PREP: variants seen among roughly 807,000 people sequenced by gnomAD.
The protein encoded by PREP is prolyl endopeptidase.
A neutral mutation model predicts 87.6 loss-of-function variants in PREP; 29 were observed. That is an observed-to-expected ratio of 0.33 (90% CI 0.25 to 0.45). The LOEUF (loss-of-function observed/expected upper bound fraction) is 0.45. Among genes scored for constraint, PREP ranks in the 20% least tolerant of loss-of-function variants. The pLI is 1.00. For synonymous variants in PREP, 337 were observed against 328.6 expected, an observed-to-expected ratio of 1.03 and a Z score of -0.28; for missense variants, 695 against 886.5, an observed-to-expected ratio of 0.78 and a Z score of 2.74.
At chr6:105,326,672 C>T (rs1583057125) in intron 9 of PREP, among the ~76,000 whole-genome samples, 1 of 152,316 alleles carries the variant, frequency 6.6e-6, no homozygotes, top group East Asian at 1.9e-4. Context: ...ACTGACAATC[C>T]ATGCTTTCAT....
At chr6:105,398,226 T>C (rs1773336933) in intron 1 of PREP, among the ~76,000 whole-genome samples, 1 of 152,092 alleles carries the variant, frequency 6.6e-6, no homozygotes, top group Admixed American at 6.5e-5. Flanking sequence ...TAAAGAAACT[T>C]GAAAACGTGC....
chr6:105,374,692 A>C (rs1432952845), intron 4 of PREP, among the ~76,000 whole-genome samples: 5 of 109,750 alleles, frequency 4.6e-5, no homozygotes, highest in East Asian at 2.5e-4. Flanking sequence ...ATATATATAT[A>C]TCAGAAAATT....
At chr6:105,281,951 T>A in intron 13 of PREP, 49 bp from the exon 14 acceptor site, 1 of 1,598,042 alleles carries the variant, frequency 6.3e-7, no homozygotes, top group East Asian at 2.2e-5. Context: ...TCATTAAACA[T>A]CTACATAAAC....
At position 105,323,802 on chromosome 6, in the gene PREP, G is replaced by A. The variant is rs776853397; in HGVS notation, c.1214-34C>T. The A allele has an allele frequency of 7.2e-6, 11 of 1,529,938 alleles. 1 individual carries two copies. Among genetic ancestry groups the A allele is most frequent in the African/African-American group, 4.1e-5 (3 of 73,102 alleles). The allele number at this position is 1,529,938 out of a possible 1,614,324, so 94.8% of individuals were successfully genotyped here. On this transcript the variant is annotated intron_variant, in intron 9 of 14. Coordinates refer to ENST00000652536, the MANE Select transcript of PREP (RefSeq NM_002726.5). ...TAGAATAAGGCTTGGTTTAGTCTAC[G>A]GGACTCACTAGATTCAAAGGGGGCA... is the stretch of plus-strand genomic sequence containing the variant.
intron 12 of PREP, among the ~76,000 whole-genome samples, chr6:105,284,427 A>T (rs1009137255): frequency 1.2e-4 from 18 of 152,108 alleles, no homozygotes; most frequent in African/African-American, 4.3e-4. Context: ...CGCTGATTTG[A>T]TTTGATGCAA....
intron 11 of PREP, among the ~76,000 whole-genome samples, chr6:105,287,395 A>G (rs1770209990): frequency 6.6e-6 from 1 of 152,178 alleles, no homozygotes; most frequent in Admixed American, 6.5e-5. Flanking sequence ...TGATGATGCC[A>G]CATATATCTT....
chr6:105,391,034 T>TATACACAC (rs374812059), intron 2 of PREP, among the ~76,000 whole-genome samples: 1 of 141,388 alleles, frequency 7.1e-6, no homozygotes, highest in Non-Finnish European at 1.5e-5. Context: ...TCTGGTTTTA[T>TATACACAC]ACACACACAC....
At chr6:105,289,606 T>C (rs560672003) in intron 10 of PREP, among the ~76,000 whole-genome samples, 8 of 152,230 alleles carry the variant, frequency 5.3e-5, no homozygotes, top group African/African-American at 1.9e-4. Context: ...CTTATCCTTT[T>C]GGATAAAGGA....
At chr6:105,373,146 C>G (rs773141174) in intron 5 of PREP, among the ~76,000 whole-genome samples, 1 of 152,226 alleles carries the variant, frequency 6.6e-6, no homozygotes, top group Non-Finnish European at 1.5e-5. Context: ...GAAGAACTAC[C>G]TGGCCAACCC....
chr6:105,383,172 C>T (rs1461680888), intron 2 of PREP, among the ~76,000 whole-genome samples: 3 of 150,926 alleles, frequency 2.0e-5, no homozygotes, highest in Admixed American at 2.0e-4. Context: ...TTTCAGGAAA[C>T]ACGTCCAGAA....
At chr6:105,385,863 T>A (rs1455456275) in intron 2 of PREP, among the ~76,000 whole-genome samples, 4 of 152,210 alleles carry the variant, frequency 2.6e-5, no homozygotes, top group Non-Finnish European at 5.9e-5. Flanking sequence ...GGCTCACATC[T>A]GTAATCCCAG....
intron 10 of PREP, among the ~76,000 whole-genome samples, chr6:105,312,831 C>T (rs541548203): frequency 8.0e-4 from 121 of 152,068 alleles, no homozygotes; most frequent in Non-Finnish European, 1.4e-3. Flanking sequence ...CATGGAGAAA[C>T]GAGGCAGAGG....
rs980078001 is a variant in PREP, at chr6:105,274,902, A to C, written c.*3242T>G. On this transcript the variant is annotated 3_prime_UTR_variant, in exon 15 of 15. Transcript: ENST00000652536. ...TGCTTCCTAAGGTTGTGTGAGGACA[A>C]ACATTCATCCACACAGAGTGCTTGC... Among the ~76,000 whole-genome samples the C allele has an allele frequency of 1.3e-5, 2 of 152,212 alleles. No individual in the cohort carries two copies. Among genetic ancestry groups the C allele is most frequent in the Admixed American group, 1.3e-4 (2 of 15,280 alleles).
chr6:105,301,028 G>C lies in PREP; in HGVS notation c.1318-12134C>G, dbSNP rs146268827. Among the ~76,000 whole-genome samples, 1,420 of 152,304 alleles carry C rather than the reference G, an allele frequency of 9.3e-3. 9 individuals are homozygous for C. The highest frequency in any genetic ancestry group is 0.02 in the South Asian group (98 of 4,820). ...AGACGCACGAATGTGCAATCAGTTA[G>C]GTTCCTGAAAACAATCTTCAGTAAT... On this transcript the variant is annotated intron_variant, in intron 10 of 14. Transcript: ENST00000652536.
intron 2 of PREP, among the ~76,000 whole-genome samples, chr6:105,379,210 G>A (rs375869265): frequency 3.3e-5 from 5 of 152,182 alleles, no homozygotes; most frequent in Admixed American, 6.5e-5. Context: ...GCCCTGGCCC[G>A]CTTTCCTGTG....
Position 105,328,872 on chromosome 6 carries a change from C to T in PREP, c.1170G>A (p.Lys390=). Residue 390 remains lysine (K), a synonymous_variant, in exon 9 of 15, where the codon AAG becomes AAA. Coordinates refer to ENST00000652536, the MANE Select transcript of PREP (RefSeq NM_002726.5). ...TAAACTGATAGAAGATTTCAGTGTC[C>T]TTCTTCTGACCGCTGTACCCTACAA... ...GSIVGYSGQK[K]DTEIFYQFTS... is the part of the protein sequence containing the mutation. 1.2e-6 allele frequency: 2 copies of T among 1,614,132 alleles called. No individual in the cohort carries two copies. The highest frequency in any genetic ancestry group is 1.7e-6 in the Non-Finnish European group (2 of 1,180,030).
At chr6:105,323,519 G>A (rs920439490) in intron 10 of PREP, 146 bp downstream of exon 10, 10 of 729,932 alleles carry the variant, frequency 1.4e-5, no homozygotes, top group East Asian at 2.7e-5. Context: ...CTGAGTGTTT[G>A]GCTCAATGAC....
At chr6:105,382,037 C>T (rs1772853760) in intron 2 of PREP, among the ~76,000 whole-genome samples, 1 of 151,660 alleles carries the variant, frequency 6.6e-6, no homozygotes, top group Middle Eastern at 3.2e-3. Flanking sequence ...TGCAGTCCTA[C>T]GAAATAAGCC....
At chr6:105,364,023 C>G (rs878908837) in intron 6 of PREP, among the ~76,000 whole-genome samples, 1 of 152,180 alleles carries the variant, frequency 6.6e-6, no homozygotes, top group Non-Finnish European at 1.5e-5. Flanking sequence ...GATAGACCAA[C>G]AAACAATTCC....
Sources: allele counts gnomAD v4.1 joint callset (sites outside exome capture counted in the v4.1 genomes callset), GRCh38; gene constraint gnomAD v4.1.1; transcripts MANE v1.5; gene names NCBI Gene and HGNC (gene_info 2026-07-23, HGNC 2026-07-21).